The following FKBP1A variants were observed in gnomAD, a reference collection of about 807,000 sequenced individuals.
FKBP1A encodes FKBP prolyl isomerase 1A, also known as peptidyl-prolyl cis-trans isomerase FKBP1A.
Under a neutral mutation model 14.2 loss-of-function variants are expected in FKBP1A, and 5 were observed. The observed-to-expected ratio is 0.35, with a 90% CI of 0.18 to 0.74. The LOEUF is 0.74. Among genes scored for constraint, FKBP1A ranks in the 30% least tolerant of loss-of-function variants. FKBP1A has a pLI of 0.56. For synonymous variants in FKBP1A, 42 were observed against 49.1 expected (o/e 0.86, Z 0.60); for missense variants, 53 against 138.8 (o/e 0.38, Z 3.10).
rs1010797316 is a variant in FKBP1A, at chr20:1,390,351, AG to A, written c.85+2482del. Among the ~76,000 whole-genome samples, 128 of 9,422 alleles carry A rather than the reference AG, an allele frequency of 0.014. 2 individuals are homozygous for A. The East Asian group carries it at 0.32, about 23-fold the overall frequency. 6.2% of individuals were successfully genotyped at this position (9,422 alleles called of 152,430 possible). A position where few individuals can be genotyped will look rare whatever the true frequency, so the allele number is the denominator to read the frequency against. On this transcript the variant is annotated intron_variant, in intron 2 of 4. Transcript: ENST00000400137. ...GAAGACAGAGAAGCTGGCCATGGGGAGGGGGGAGGGGGGAGGGGGGACGGGG... is the reference window on the plus strand; with the variant it reads ...GAAGACAGAGAAGCTGGCCATGGGGAGGGGGAGGGGGGAGGGGGGACGGGG...
At chr20:1,378,018 C>T (rs559945204) in intron 2 of FKBP1A, 111 of 146,104 alleles carry the variant, frequency 7.6e-4, no homozygotes, top group African/African-American at 2.6e-3. Context: ...CAGATGAACT[C>T]GAATCAATCC....
Position 1,369,964 on chromosome 20 carries a change from ACATT to A in FKBP1A, c.*141_*144del. 1.3e-6 allele frequency: 2 copies of A among 1,485,150 alleles called. No individual in the cohort carries two copies. Among genetic ancestry groups the A allele is most frequent in the Non-Finnish European group, 1.8e-6 (2 of 1,098,148 alleles). The allele number at this position is 1,485,150 out of a possible 1,614,324, so 92.0% of individuals were successfully genotyped here. ...CGGAAGCAAAGCTGAGTGACAGAACACATTCAGTCAGGGCAGATGTCTATACAAA... is the reference window on the plus strand; with the variant it reads ...CGGAAGCAAAGCTGAGTGACAGAACACAGTCAGGGCAGATGTCTATACAAA... On this transcript the variant is annotated 3_prime_UTR_variant, in exon 5 of 5. Coordinates refer to ENST00000400137, the MANE Select transcript of FKBP1A (RefSeq NM_000801.5).
Position 1,375,483 on chromosome 20 carries a change from G to A in FKBP1A, c.198+8C>T, listed in dbSNP as rs1390948406. ...AGAAAGCAAAACAAAACAAATGAGAGAGCATACCTGGGCAACCCCTTCTTC... is the reference window on the plus strand; with the variant it reads ...AGAAAGCAAAACAAAACAAATGAGAAAGCATACCTGGGCAACCCCTTCTTC... On this transcript the variant is annotated splice_region_variant and intron_variant, in intron 3 of 4. Transcript: ENST00000400137. 1.3e-6 allele frequency: 2 copies of A among 1,592,634 alleles called. No homozygotes were observed. The highest frequency in any genetic ancestry group is 1.7e-6 in the Non-Finnish European group (2 of 1,160,584).
chr20:1,370,206 G>T, intron 4 of FKBP1A, 134 bp from the exon 5 acceptor site: 2 of 1,410,116 alleles, frequency 1.4e-6, no homozygotes, highest in South Asian at 1.6e-5. Context: ...AGCCACTTCT[G>T]TTCCAGCTGG....
At chr20:1,392,630 A>C (rs2089753304) in intron 2 of FKBP1A, among the ~76,000 whole-genome samples, 2 of 152,078 alleles carry the variant, frequency 1.3e-5, no homozygotes, top group African/African-American at 4.8e-5. Context: ...GCCGACGCTC[A>C]CAGCCGCCGA....
chr20:1,389,905 C>G (rs1244129832), intron 2 of FKBP1A, among the ~76,000 whole-genome samples: 2 of 152,168 alleles, frequency 1.3e-5, no homozygotes, highest in South Asian at 2.1e-4. Context: ...CACCTCAATG[C>G]CTGTCATGCT....
intron 2 of FKBP1A, among the ~76,000 whole-genome samples, chr20:1,381,528 A>C (rs2089616249): frequency 6.6e-6 from 1 of 152,230 alleles, no homozygotes; most frequent in African/African-American, 2.4e-5. Context: ...TTGATAGTTA[A>C]GTTAAACATA....
At chr20:1,375,421 A>C in intron 3 of FKBP1A, 70 bp downstream of exon 3, 1 of 1,133,226 alleles carries the variant, frequency 8.8e-7, no homozygotes, top group Non-Finnish European at 1.3e-6. Flanking sequence ...AACCGTATAA[A>C]TATGCCACCT....
At chr20:1,382,751 T>A (rs1385324784) in intron 2 of FKBP1A, among the ~76,000 whole-genome samples, 1 of 152,210 alleles carries the variant, frequency 6.6e-6, no homozygotes, top group Non-Finnish European at 1.5e-5. Context: ...TGTGAAAATG[T>A]GCTCCAGTTA....
chr20:1,370,541 G>A, intron 4 of FKBP1A: 1 of 985,244 alleles, frequency 1.0e-6, no homozygotes, highest in Non-Finnish European at 1.2e-6. Flanking sequence ...TCCAGACTGA[G>A]AATAAACTGG....
chr20:1,380,475 G>A (rs533689850), intron 2 of FKBP1A, among the ~76,000 whole-genome samples: 20 of 152,152 alleles, frequency 1.3e-4, no homozygotes, highest in Admixed American at 5.2e-4. Flanking sequence ...ACTACCCCCC[G>A]GTCAAACTGG....
intron 2 of FKBP1A, among the ~76,000 whole-genome samples, chr20:1,383,601 G>A (rs1363298060): frequency 6.6e-6 from 1 of 151,106 alleles, no homozygotes; most frequent in Non-Finnish European, 1.5e-5. Context: ...CTTGAGGCCA[G>A]GAGTTTGAGA....
chr20:1,392,302 C>T (rs1484151195), intron 2 of FKBP1A, among the ~76,000 whole-genome samples: 2 of 152,144 alleles, frequency 1.3e-5, no homozygotes, highest in Non-Finnish European at 2.9e-5. Context: ...GGGATGTTTC[C>T]CCACCCTAGG....
chr20:1,389,741 GAAGT>G (rs1204789634), intron 2 of FKBP1A, among the ~76,000 whole-genome samples: 3 of 152,214 alleles, frequency 2.0e-5, no homozygotes, highest in African/African-American at 7.2e-5. Context: ...ACGGCCTGCT[GAAGT>G]AAGTAAAAGA....
chr20:1,382,441 A>T (rs1441709117), intron 2 of FKBP1A, among the ~76,000 whole-genome samples: 1 of 152,184 alleles, frequency 6.6e-6, no homozygotes, highest in Non-Finnish European at 1.5e-5. Context: ...CATGCCTAAC[A>T]AACTGCCTGG....
intron 2 of FKBP1A, chr20:1,391,563 C>T (rs2089737027): frequency 5.0e-6 from 2 of 397,898 alleles, no homozygotes; most frequent in Admixed American, 4.4e-5. Flanking sequence ...GGGGAAGGGC[C>T]ACAGAAATAA....
intron 2 of FKBP1A, among the ~76,000 whole-genome samples, chr20:1,376,435 C>T (rs775968995): frequency 6.6e-6 from 1 of 152,196 alleles, no homozygotes; most frequent in Non-Finnish European, 1.5e-5. Context: ...CTCATTTTTG[C>T]ACAGCTAATA....
At chr20:1,389,601 C>T (rs980243331) in intron 2 of FKBP1A, among the ~76,000 whole-genome samples, 1 of 152,192 alleles carries the variant, frequency 6.6e-6, no homozygotes, top group African/African-American at 2.4e-5. Flanking sequence ...TTTTCTCAGT[C>T]AGAAACCGGG....
chr20:1,370,358 C>G, intron 4 of FKBP1A: 1 of 985,460 alleles, frequency 1.0e-6, no homozygotes, highest in Non-Finnish European at 1.2e-6. Context: ...GCTGACAATA[C>G]AGTTCCCCAC....
Sources: gnomAD v4.1 joint callset for allele counts (sites outside exome capture counted in the v4.1 genomes callset) on GRCh38, gnomAD v4.1.1 for gene constraint, MANE v1.5 for transcripts, NCBI Gene and HGNC (gene_info 2026-07-23, HGNC 2026-07-21) for gene names.